Variants in FGD5 observed in about 807,000 individuals in gnomAD.
FGD5 encodes FYVE, RhoGEF and PH domain containing 5, also known as FYVE, RhoGEF and PH domain-containing protein 5.
FGD5 carries 28 observed loss-of-function variants against 133.4 expected under a neutral mutation model. That is an observed-to-expected ratio of 0.21 (90% CI 0.16 to 0.29). The LOEUF (loss-of-function observed/expected upper bound fraction) is 0.29, where lower values mean the gene tolerates loss of function less well. Among genes scored for constraint, FGD5 ranks in the 10% least tolerant of loss-of-function variants. The pLI is 1.00. For missense variants in FGD5, 1,858 were observed against 1,895.2 expected (o/e 0.98, Z 0.36); for synonymous variants, 810 against 776.5 (o/e 1.04, Z -0.72).
chr3:14,909,761 CTT>C (rs201883392), intron 10 of FGD5, among the ~76,000 whole-genome samples: 3,440 of 137,402 alleles, frequency 0.025, 54 homozygotes, highest in Middle Eastern at 0.056. Context: ...CTTTTCTTTT[CTT>C]TTTTTTTTTT....
At position 14,910,891 on chromosome 3, in the gene FGD5, G is replaced by A; in HGVS notation, c.3367G>A (p.Val1123Ile). 1.2e-6 allele frequency: 2 copies of A among 1,613,504 alleles called. No individual in the cohort carries two copies. The highest frequency in any genetic ancestry group is 1.7e-6 in the Non-Finnish European group (2 of 1,179,674). ...EFLKEGTLMKVTGKNRRPRHL... is the reference protein window; with the variant it reads ...EFLKEGTLMKITGKNRRPRHL... ...TCTGAAGGAAGGGACGCTGATGAAAGTAACAGGGAAAAACAGACGGCCCCG... is the reference window on the plus strand; with the variant it reads ...TCTGAAGGAAGGGACGCTGATGAAAATAACAGGGAAAAACAGACGGCCCCG... The change falls in exon 11 of 20, where the codon GTA (valine) becomes ATA (isoleucine). Residue 1123 changes from valine (V) to isoleucine (I), a missense_variant. Around this residue, in one of 3 missense-constraint regions of FGD5, gnomAD observed 1,824 missense variants for 1,848.9 expected, o/e 0.99. Transcript: ENST00000285046.
At chr3:14,858,979 T>G in intron 1 of FGD5, among the ~76,000 whole-genome samples, 1 of 152,342 alleles carries the variant, frequency 6.6e-6, no homozygotes, top group Middle Eastern at 3.4e-3. Flanking sequence ...TTTATTTTAC[T>G]GCTAACTTCT....
rs2038165225 is a variant in FGD5, at chr3:14,897,824, G to A, written c.2910-115G>A. 3.4e-6 allele frequency: 5 copies of A among 1,484,804 alleles called. No homozygotes were observed. In the African/African-American group the frequency reaches 5.6e-5, roughly 17 times the overall value. The allele number at this position is 1,484,804 out of a possible 1,614,324, so 92.0% of individuals were successfully genotyped here. A position where few individuals can be genotyped will look rare whatever the true frequency, so the allele number is the denominator to read the frequency against. ...CATTTGCTCAAAGTAAAACAACTGT[G>A]CAAGGGTTGAGCTGGGATCTGCACC... On this transcript the variant is annotated intron_variant, in intron 5 of 19. Coordinates refer to ENST00000285046, the MANE Select transcript of FGD5 (RefSeq NM_152536.4).
At chr3:14,876,655 C>T (rs2037725329) in intron 2 of FGD5, among the ~76,000 whole-genome samples, 2 of 152,164 alleles carry the variant, frequency 1.3e-5, no homozygotes, top group South Asian at 4.1e-4. Context: ...TTCACCTATC[C>T]ACTTCCCCAC....
chr3:14,822,112 A>AG (rs893461738), intron 1 of FGD5, among the ~76,000 whole-genome samples: 7 of 152,014 alleles, frequency 4.6e-5, no homozygotes, highest in Non-Finnish European at 8.8e-5. Context: ...AAAATAAAAA[A>AG]AAAAGAAAAG....
chr3:14,907,430 C>T (rs968910530), intron 9 of FGD5, among the ~76,000 whole-genome samples: 4 of 152,306 alleles, frequency 2.6e-5, no homozygotes, highest in Admixed American at 1.3e-4. Context: ...GCCAGGCAGC[C>T]GGCTCCACAG....
Position 14,844,217 on chromosome 3 carries a change from A to AATATAT in FGD5, c.2526-19861_2526-19856dup, listed in dbSNP as rs869290486. 1.3e-3 allele frequency among the ~76,000 whole-genome samples: 26 copies of AATATAT among 20,298 alleles called. 1 individual carries two copies. Among genetic ancestry groups the AATATAT allele is most frequent in the African/African-American group, 2.1e-3 (10 of 4,832 alleles). The allele number at this position is 20,298 out of a possible 152,430, so 13.3% of individuals were successfully genotyped here. A position where few individuals can be genotyped will look rare whatever the true frequency, so the allele number is the denominator to read the frequency against. ...CTTAATAGGCATTAAAAAAAAAAAA[A>AATATAT]ATATATATATATATATATATATATA... is the stretch of plus-strand genomic sequence containing the variant. On this transcript the variant is annotated intron_variant, in intron 1 of 19. Transcript: ENST00000285046.
chr3:14,927,089 A>G (rs1336631252), intron 18 of FGD5, among the ~76,000 whole-genome samples: 2 of 152,178 alleles, frequency 1.3e-5, no homozygotes. Context: ...TCTAGAAGAA[A>G]TTGCTTTGGA....
chr3:14,823,609 G>A (rs986506859), intron 1 of FGD5, among the ~76,000 whole-genome samples: 2 of 152,226 alleles, frequency 1.3e-5, no homozygotes, highest in South Asian at 2.1e-4. Flanking sequence ...AGGCACTTGC[G>A]TAAGATCTCT....
rs552888399 is a variant in FGD5 at position 14,852,704 on chromosome 3, T to C, written c.2526-11424T>C. Among the ~76,000 whole-genome samples, 27 of 152,332 alleles carry C rather than the reference T, an allele frequency of 1.8e-4. 1 individual carries two copies. In the South Asian group the frequency reaches 5.6e-3, roughly 32 times the overall value. On this transcript the variant is annotated intron_variant, in intron 1 of 19. Coordinates refer to ENST00000285046, the MANE Select transcript of FGD5 (RefSeq NM_152536.4). ...AGAAAACAAGGATGAACTTTTGTTTTTACTTAGTGAGAAATGGAAATTGAA... is the reference window on the plus strand; with the variant it reads ...AGAAAACAAGGATGAACTTTTGTTTCTACTTAGTGAGAAATGGAAATTGAA...
At chr3:14,932,852 C>T (rs1044887708) in intron 19 of FGD5, 121 bp downstream of exon 19, 9 of 1,160,414 alleles carry the variant, frequency 7.8e-6, no homozygotes, top group Admixed American at 6.6e-5. Context: ...CCCTTTGGGC[C>T]ATAGCAGAAC....
rs1258878659 is a variant in FGD5, at chr3:14,917,794, A to G, written c.3489+462A>G. On this transcript the variant is annotated intron_variant, in intron 12 of 19. Transcript: ENST00000285046. The surrounding 1 kb of genome is among the most constrained non-coding windows in gnomAD (Gnocchi z 4.1). ...TCTCAGAACTCTTTCCTCTCCCCAG[A>G]CTGAAACTCTGCCCACATTAAAAAC... is the stretch of plus-strand genomic sequence containing the variant. 1.3e-5 allele frequency among the ~76,000 whole-genome samples: 2 copies of G among 152,174 alleles called. No homozygotes were observed. Among genetic ancestry groups the G allele is most frequent in the Admixed American group, 6.5e-5 (1 of 15,276 alleles).
rs2036484822 is a variant in FGD5, at chr3:14,820,937, C to G, written c.1866C>G (p.Ala622=). The G allele has an allele frequency of 6.2e-7, 1 of 1,613,940 alleles. No individual in the cohort carries two copies. Among genetic ancestry groups the G allele is most frequent in the South Asian group, 1.1e-5 (1 of 91,076 alleles). The change falls in exon 1 of 20, where the codon GCC becomes GCG. Residue 622 remains alanine, a synonymous_variant. Coordinates refer to ENST00000285046, the MANE Select transcript of FGD5 (RefSeq NM_152536.4). Reference sequence around the variant, plus strand: ...ACATCCCACCTCCTTTCGACCTGGCCTGCATCACCAAGAAGCCCATCACAA... The same window carrying G: ...ACATCCCACCTCCTTTCGACCTGGCGTGCATCACCAAGAAGCCCATCACAA... ...MVDIPPPFDL[A]CITKKPITKS... is the part of the protein sequence containing the mutation.
Position 14,916,215 on chromosome 3 carries a change from T to C in FGD5, c.3406-1034T>C, listed in dbSNP as rs150134080. Among the ~76,000 whole-genome samples, 29 of 152,302 alleles carry C rather than the reference T, an allele frequency of 1.9e-4. No individual in the cohort carries two copies. In the East Asian group the frequency reaches 5.6e-3, roughly 29 times the overall value. On this transcript the variant is annotated intron_variant, in intron 11 of 19. Transcript: ENST00000285046. ...AAAGTAATGGTGGTGGTGTCTCCCATTTCCCAGAGGAAGCTGAGACTCAGC... is the reference window on the plus strand; with the variant it reads ...AAAGTAATGGTGGTGGTGTCTCCCACTTCCCAGAGGAAGCTGAGACTCAGC...
chr3:14,853,603 C>G (rs1291291587), intron 1 of FGD5, among the ~76,000 whole-genome samples: 1 of 145,364 alleles, frequency 6.9e-6, no homozygotes, highest in Non-Finnish European at 1.5e-5. Flanking sequence ...GGTTGGAGTG[C>G]CCACTGAGAG....
At chr3:14,836,027 C>T (rs1430649488) in intron 1 of FGD5, among the ~76,000 whole-genome samples, 1 of 152,186 alleles carries the variant, frequency 6.6e-6, no homozygotes, top group African/African-American at 2.4e-5. Flanking sequence ...GGCTCCAGAG[C>T]GCTGTCCAGG....
intron 2 of FGD5, among the ~76,000 whole-genome samples, chr3:14,873,186 CT>C (rs2037645314): frequency 6.6e-6 from 1 of 152,158 alleles, no homozygotes; most frequent in Non-Finnish European, 1.5e-5. Context: ...CACATCATGA[CT>C]GGGAACTCAA....
chr3:14,910,866 T>C lies in FGD5; in HGVS notation c.3342T>C (p.Phe1114=). ...TTCTGCTTCTCTCCCCACAGGAGTTTCTGAAGGAAGGGACGCTGATGAAAG... is the reference window on the plus strand; with the variant it reads ...TTCTGCTTCTCTCCCCACAGGAGTTCCTGAAGGAAGGGACGCTGATGAAAG... ...QGDLLQPGRE[F]LKEGTLMKVT... Residue 1114 remains phenylalanine, a synonymous_variant, in exon 11 of 20, where the codon TTT becomes TTC. Transcript: ENST00000285046. The C allele has an allele frequency of 6.2e-7, 1 of 1,613,262 alleles. No homozygotes were observed. Among genetic ancestry groups the C allele is most frequent in the Non-Finnish European group, 8.5e-7 (1 of 1,179,610 alleles).
intron 2 of FGD5, among the ~76,000 whole-genome samples, chr3:14,875,343 G>A (rs1415558158): frequency 6.6e-6 from 1 of 152,192 alleles, no homozygotes; most frequent in Non-Finnish European, 1.5e-5. Flanking sequence ...CGTGGCTGAA[G>A]AGGCTGGCGC....
Sources: allele counts gnomAD v4.1 joint callset (sites outside exome capture counted in the v4.1 genomes callset), GRCh38; gene constraint gnomAD v4.1.1; regional missense constraint gnomAD v4.1.1; non-coding constraint Gnocchi (gnomAD v3.1); transcripts MANE v1.5; gene names NCBI Gene and HGNC (gene_info 2026-07-23, HGNC 2026-07-21).